Variants in NCOA1 observed in about 807,000 individuals in gnomAD.
NCOA1 encodes the protein nuclear receptor coactivator 1, also known as Hin-2 protein.
NCOA1 carries 35 observed loss-of-function variants against 150.9 expected under a neutral mutation model. The observed-to-expected ratio is 0.23, with a 90% CI of 0.18 to 0.31. The LOEUF (loss-of-function observed/expected upper bound fraction) is 0.31. NCOA1 is among the 10% of genes least tolerant of loss of function. The pLI is 1.00. For missense variants in NCOA1, 1,491 were observed against 1,749.3 expected (o/e 0.85, Z 2.63); for synonymous variants, 590 against 630.0 (o/e 0.94, Z 0.95).
chr2:24,544,482 C>G (rs566723942), intron 1 of NCOA1, among the ~76,000 whole-genome samples: 1 of 152,124 alleles, frequency 6.6e-6, no homozygotes, highest in Non-Finnish European at 1.5e-5. Flanking sequence ...GTGGCTCATG[C>G]CTGTAACCCC....
intron 13 of NCOA1, 141 bp downstream of exon 13, chr2:24,708,029 TA>T: frequency 9.4e-7 from 1 of 1,068,650 alleles, no homozygotes; most frequent in Non-Finnish European, 1.3e-6. Flanking sequence ...TTAGTATCAA[TA>T]ACTGATCACA....
At chr2:24,515,925 G>T (rs1328351014) in intron 1 of NCOA1, among the ~76,000 whole-genome samples, 2 of 152,044 alleles carry the variant, frequency 1.3e-5, no homozygotes, top group Non-Finnish European at 2.9e-5. Context: ...AAAAACAGAA[G>T]CCCTCAGTGA....
intron 3 of NCOA1, among the ~76,000 whole-genome samples, chr2:24,624,202 TCTC>T (rs1669300493): frequency 3.3e-5 from 5 of 152,300 alleles, no homozygotes; most frequent in Admixed American, 3.3e-4. Flanking sequence ...AAAGGGCTAT[TCTC>T]AGTTTTAACT....
intron 1 of NCOA1, among the ~76,000 whole-genome samples, chr2:24,533,970 G>C (rs901469753): frequency 6.6e-6 from 1 of 152,104 alleles, no homozygotes; most frequent in African/African-American, 2.4e-5. Context: ...ATGAGTTAGG[G>C]AGGATTCCCT....
chr2:24,706,641 A>C lies in NCOA1; in HGVS notation c.1171A>C (p.Asn391His). 1 of 1,614,194 alleles carries C rather than the reference A, an allele frequency of 6.2e-7. No individual in the cohort carries two copies. The highest frequency in any genetic ancestry group is 8.5e-7 in the Non-Finnish European group (1 of 1,180,014). The change falls in exon 13 of 23, where the codon AAT becomes CAT. Residue 391 changes from asparagine (N) to histidine (H), a missense_variant. This residue lies in a region of NCOA1 where 703 missense variants were observed against 717.7 expected (regional missense o/e 0.98). Coordinates refer to ENST00000348332, the MANE Select transcript of NCOA1 (RefSeq NM_003743.5). ...AATTCCCCGAGTAAATCCCTCGGTC[A>C]ATCCTAGTATCTCTCCAGCTCATGG... is the stretch of plus-strand genomic sequence containing the variant. Reference protein sequence around the residue: ...MSIPRVNPSVNPSISPAHGVA... With the variant: ...MSIPRVNPSVHPSISPAHGVA...
intron 1 of NCOA1, among the ~76,000 whole-genome samples, chr2:24,533,074 CT>C (rs1193221245): frequency 6.6e-6 from 1 of 152,320 alleles, no homozygotes; most frequent in Middle Eastern, 3.4e-3. Context: ...TTGATTCTTC[CT>C]ATCCATGAGC....
Position 24,743,340 on chromosome 2 carries a change from G to A in NCOA1, c.3706+1154G>A, listed in dbSNP as rs76784016. 1.9e-3 allele frequency among the ~76,000 whole-genome samples: 291 copies of A among 152,292 alleles called. 6 individuals are homozygous for A. In the East Asian group the frequency reaches 0.034, roughly 18 times the overall value. ...GTTTTGACAGCCAAATCAATTTAGA[G>A]TTTCCATTCTGATGGTAGCAAATAC... is the stretch of plus-strand genomic sequence containing the variant. On this transcript the variant is annotated intron_variant, in intron 19 of 22. Transcript: ENST00000348332.
chr2:24,531,722 A>G (rs1233111043), intron 1 of NCOA1, among the ~76,000 whole-genome samples: 1 of 152,078 alleles, frequency 6.6e-6, no homozygotes, highest in African/African-American at 2.4e-5. Flanking sequence ...TTTTCTGCCC[A>G]TGTGATAGTT....
intron 1 of NCOA1, among the ~76,000 whole-genome samples, chr2:24,514,640 A>G (rs1004669377): frequency 6.6e-6 from 1 of 152,002 alleles, no homozygotes; most frequent in Non-Finnish European, 1.5e-5. Flanking sequence ...CCATATCTAC[A>G]AAAATACGAA....
chr2:24,523,630 A>AAAG (rs70947824), intron 1 of NCOA1, among the ~76,000 whole-genome samples: 17 of 132,222 alleles, frequency 1.3e-4, no homozygotes, highest in African/African-American at 4.8e-4. Context: ...AAAAAAAAAA[A>AAAG]GAAACTGGGC....
chr2:24,759,194 G>A (rs1035275874), intron 21 of NCOA1, among the ~76,000 whole-genome samples: 9 of 152,146 alleles, frequency 5.9e-5, no homozygotes, highest in African/African-American at 2.2e-4. Flanking sequence ...TTTAATCATA[G>A]GACAAAACTG....
intron 14 of NCOA1, among the ~76,000 whole-genome samples, chr2:24,726,061 A>G (rs1043485771): frequency 1.3e-5 from 2 of 152,152 alleles, no homozygotes; most frequent in African/African-American, 4.8e-5. Flanking sequence ...CATTTGGGCC[A>G]TCATTATAAG....
chr2:24,687,706 G>A (rs962278470), intron 8 of NCOA1, among the ~76,000 whole-genome samples: 6 of 152,086 alleles, frequency 3.9e-5, no homozygotes, highest in Admixed American at 2.6e-4. Context: ...TCACCATCAC[G>A]AGAACAGCAT....
chr2:24,697,557 T>C, intron 10 of NCOA1, 101 bp from the exon 11 acceptor site: 1 of 1,033,546 alleles, frequency 9.7e-7, no homozygotes, highest in East Asian at 2.6e-5. Flanking sequence ...GTTTATTGAG[T>C]ATTTGGAAAG....
chr2:24,612,363 T>G (rs1451084996), intron 3 of NCOA1, among the ~76,000 whole-genome samples: 1 of 152,218 alleles, frequency 6.6e-6, no homozygotes, highest in Non-Finnish European at 1.5e-5. Flanking sequence ...GTGATTATAT[T>G]TCTTATTGAT....
intron 3 of NCOA1, among the ~76,000 whole-genome samples, chr2:24,643,660 A>G (rs954841224): frequency 3.9e-5 from 6 of 152,212 alleles, no homozygotes; most frequent in Non-Finnish European, 8.8e-5. Flanking sequence ...AAGGATAAAT[A>G]TACAAATGCA....
chr2:24,586,998 G>A (rs970554722), intron 3 of NCOA1, among the ~76,000 whole-genome samples: 4 of 151,562 alleles, frequency 2.6e-5, no homozygotes, highest in East Asian at 1.9e-4. Context: ...ACCCTTTCCC[G>A]TTTCTCAGGA....
Position 24,764,915 on chromosome 2 carries a change from C to T in NCOA1, c.4155+2139C>T, listed in dbSNP as rs13430156. On this transcript the variant is annotated intron_variant, in intron 22 of 22. Coordinates refer to ENST00000348332, the MANE Select transcript of NCOA1 (RefSeq NM_003743.5). ...TCAAGGTAAAGAGAAGGCATTTTGG[C>T]TTACACCTGTAATCCCAGCACTTTG... is the stretch of plus-strand genomic sequence containing the variant. Among the ~76,000 whole-genome samples, 1,351 of 152,248 alleles carry T rather than the reference C, an allele frequency of 8.9e-3. 27 individuals are homozygous for T. The highest frequency in any genetic ancestry group is 0.031 in the African/African-American group (1,280 of 41,538).
Position 24,768,451 on chromosome 2 carries a change from A to T in NCOA1, c.*60A>T. On this transcript the variant is annotated 3_prime_UTR_variant, in exon 23 of 23. Coordinates refer to ENST00000348332, the MANE Select transcript of NCOA1 (RefSeq NM_003743.5). ...ACATACAGAGATATACAAATATATT[A>T]TATATTTTTCTGAGATTTTTGATAT... 1 of 1,093,562 alleles carries T rather than the reference A, an allele frequency of 9.1e-7. No homozygotes were observed. The highest frequency in any genetic ancestry group is 5.0e-5 in the East Asian group (1 of 20,122). The allele number at this position is 1,093,562 out of a possible 1,614,324, so 67.7% of individuals were successfully genotyped here.
Sources: gnomAD v4.1 joint callset for allele counts (sites outside exome capture counted in the v4.1 genomes callset) on GRCh38, gnomAD v4.1.1 for gene constraint, gnomAD v4.1.1 regional missense constraint, MANE v1.5 for transcripts, NCBI Gene and HGNC (gene_info 2026-07-23, HGNC 2026-07-21) for gene names.